The following SEPTIN11 variants were observed in gnomAD, a reference collection of about 807,000 sequenced individuals.
SEPTIN11 encodes the protein septin-11.
In SEPTIN11, 25 loss-of-function variants were observed where a neutral mutation model predicts 51.4. The observed-to-expected ratio is 0.49, with a 90% confidence interval of 0.35 to 0.68. SEPTIN11 has a LOEUF of 0.68. SEPTIN11 is among the 30% of genes least tolerant of loss of function. The pLI is 0.00. For missense variants in SEPTIN11, 381 were observed against 520.8 expected, an observed-to-expected ratio of 0.73 and a Z score of 2.61; for synonymous variants, 174 against 184.1, an observed-to-expected ratio of 0.95 and a Z score of 0.44.
At chr4:77,005,465 C>G in intron 2 of SEPTIN11, 136 bp from the exon 3 acceptor site, 1 of 732,274 alleles carries the variant, frequency 1.4e-6, no homozygotes, top group Middle Eastern at 2.8e-4. Context: ...AGAATTATCT[C>G]TTCACAGTGA....
intron 1 of SEPTIN11, 93 bp from the exon 2 acceptor site, chr4:76,996,332 G>C: frequency 1.0e-6 from 1 of 962,624 alleles, no homozygotes; most frequent in East Asian, 2.4e-5. Context: ...TGTATGTCAA[G>C]GGAAGAAGAA....
At chr4:76,970,003 C>T (rs950515556) in intron 1 of SEPTIN11, among the ~76,000 whole-genome samples, 1 of 152,118 alleles carries the variant, frequency 6.6e-6, no homozygotes, top group Non-Finnish European at 1.5e-5. Flanking sequence ...TACTTCTGTT[C>T]CCTTCAGAAT....
intron 3 of SEPTIN11, 82 bp downstream of exon 3, chr4:77,005,878 T>C: frequency 2.3e-6 from 3 of 1,324,816 alleles, no homozygotes; most frequent in Non-Finnish European, 3.1e-6. Flanking sequence ...GGCCAAATGT[T>C]TTGGGGATTT....
intron 1 of SEPTIN11, among the ~76,000 whole-genome samples, chr4:76,972,075 T>C (rs1023602134): frequency 6.6e-6 from 1 of 152,224 alleles, no homozygotes; most frequent in African/African-American, 2.4e-5. Flanking sequence ...TTATTGGCCA[T>C]TTCTATTTAT....
chr4:77,039,438 ATGGACTGAAGACAGCG>A, downstream of SEPTIN11: 1 of 1,030,480 alleles, frequency 9.7e-7, no homozygotes, highest in Non-Finnish European at 1.2e-6. Context: ...CCAAGAACTG[ATGGACTGAAGACAGCG>A]TGTACCCTAA....
At chr4:76,996,302 T>C in intron 1 of SEPTIN11, 123 bp from the exon 2 acceptor site, 3 of 735,884 alleles carry the variant, frequency 4.1e-6, no homozygotes. Context: ...AAGGCAGCTG[T>C]GGAGGGTCTC....
intron 1 of SEPTIN11, among the ~76,000 whole-genome samples, chr4:76,953,851 C>T (rs1721450274): frequency 6.6e-6 from 1 of 151,968 alleles, no homozygotes; most frequent in Non-Finnish European, 1.5e-5. Context: ...AAAGGAGACC[C>T]AAGGAATTGA....
chr4:76,968,582 T>A (rs1371074154), intron 1 of SEPTIN11, among the ~76,000 whole-genome samples: 1 of 152,236 alleles, frequency 6.6e-6, no homozygotes, highest in Non-Finnish European at 1.5e-5. Flanking sequence ...TTTCTAATTA[T>A]TGGAACATTT....
chr4:77,012,293 G>A (rs1724929491), intron 4 of SEPTIN11, among the ~76,000 whole-genome samples: 1 of 151,980 alleles, frequency 6.6e-6, no homozygotes, highest in Non-Finnish European at 1.5e-5. Context: ...TTAAATTTTT[G>A]TCTCTGTGAT....
At chr4:76,962,880 TGTACTC>T (rs1721881690) in intron 1 of SEPTIN11, among the ~76,000 whole-genome samples, 2 of 152,166 alleles carry the variant, frequency 1.3e-5, no homozygotes, top group South Asian at 4.1e-4. Flanking sequence ...AACTTAAAGA[TGTACTC>T]AATCTGTCCG....
At chr4:76,981,142 A>G (rs1370777290) in intron 1 of SEPTIN11, among the ~76,000 whole-genome samples, 2 of 152,244 alleles carry the variant, frequency 1.3e-5, no homozygotes, top group Non-Finnish European at 2.9e-5. Flanking sequence ...CACATATTTT[A>G]TCATCTCTTT....
intron 6 of SEPTIN11, 93 bp from the exon 7 acceptor site, chr4:77,020,409 A>G (rs1418269018): frequency 1.4e-6 from 2 of 1,445,740 alleles, no homozygotes; most frequent in African/African-American, 2.8e-5. Flanking sequence ...AGATTTCAGG[A>G]GTGATGGTAA....
At chr4:76,987,126 G>A (rs1461565155) in intron 1 of SEPTIN11, among the ~76,000 whole-genome samples, 1 of 152,168 alleles carries the variant, frequency 6.6e-6, no homozygotes, top group African/African-American at 2.4e-5. Flanking sequence ...CCTGGGTTTG[G>A]CATTCTGAGC....
At chr4:76,992,341 C>G (rs1007637448) in intron 1 of SEPTIN11, among the ~76,000 whole-genome samples, 1 of 152,100 alleles carries the variant, frequency 6.6e-6, no homozygotes, top group African/African-American at 2.4e-5. Context: ...ATTTTTATAA[C>G]AGCTGAAATA....
At chr4:76,983,959 A>G (rs11097623) in intron 1 of SEPTIN11, among the ~76,000 whole-genome samples, 58,906 of 151,996 alleles carry the variant, frequency 0.39, 11,712 homozygotes, top group Non-Finnish European at 0.43. Context: ...TTGAGCCGAG[A>G]TCGCGCTATT....
chr4:77,035,468 C>T lies in SEPTIN11; in HGVS notation c.*956C>T. Reference sequence around the variant, plus strand: ...AATCATGAGAAAATTTCCACAGATACTTCCCTTAGAAAATTTGCTATAAAC... The same window carrying T: ...AATCATGAGAAAATTTCCACAGATATTTCCCTTAGAAAATTTGCTATAAAC... On this transcript the variant is annotated 3_prime_UTR_variant, in exon 10 of 10. Transcript: ENST00000264893. 1.0e-6 allele frequency: 1 copy of T among 985,342 alleles called. No individual in the cohort carries two copies. Among genetic ancestry groups the T allele is most frequent in the Non-Finnish European group, 1.2e-6 (1 of 829,894 alleles). 61.0% of individuals were successfully genotyped at this position (985,342 alleles called of 1,614,324 possible).
intron 1 of SEPTIN11, chr4:76,959,198 G>C (rs1017379742): frequency 5.5e-6 from 2 of 360,484 alleles, no homozygotes; most frequent in African/African-American, 4.2e-5. Context: ...ATGAGCAACT[G>C]TAACGACCGA....
At chr4:77,003,880 C>T (rs193221930) in intron 2 of SEPTIN11, among the ~76,000 whole-genome samples, 128 of 152,188 alleles carry the variant, frequency 8.4e-4, no homozygotes, top group South Asian at 2.1e-3. Flanking sequence ...GGGGATGCTC[C>T]TAGGAACATA....
At position 77,037,793 on chromosome 4, in the gene SEPTIN11, T is replaced by C; in HGVS notation, c.*3281T>C. On this transcript the variant is annotated 3_prime_UTR_variant, in exon 10 of 10. Transcript: ENST00000264893. ...GTGTTTTCCCAACTTAGGCTCTTTATTAATTGGTTAAGGTTTTCTCCAAAA... is the reference window on the plus strand; with the variant it reads ...GTGTTTTCCCAACTTAGGCTCTTTACTAATTGGTTAAGGTTTTCTCCAAAA... 1.0e-6 allele frequency: 1 copy of C among 985,912 alleles called. No individual in the cohort carries two copies. The highest frequency in any genetic ancestry group is 1.2e-6 in the Non-Finnish European group (1 of 829,948). 61.1% of individuals were successfully genotyped at this position (985,912 alleles called of 1,614,324 possible).
Sources: gnomAD v4.1 joint callset for allele counts (sites outside exome capture counted in the v4.1 genomes callset) on GRCh38, gnomAD v4.1.1 for gene constraint, MANE v1.5 for transcripts, NCBI Gene and HGNC (gene_info 2026-07-23, HGNC 2026-07-21) for gene names.